Variants in SEZ6L observed in about 807,000 individuals in gnomAD.
SEZ6L encodes the protein seizure 6-like protein.
A neutral mutation model predicts 106.2 loss-of-function variants in SEZ6L; 37 were observed. The ratio of observed to expected loss-of-function variants is 0.35; its 90% CI spans 0.27 to 0.46. The LOEUF (loss-of-function observed/expected upper bound fraction) is 0.46. Among genes scored for constraint, SEZ6L ranks in the 20% least tolerant of loss-of-function variants. SEZ6L has a pLI of 1.00. For synonymous variants in SEZ6L, 541 were observed against 570.4 expected (o/e 0.95, Z 0.73); for missense variants, 1,172 against 1,332.8 (o/e 0.88, Z 1.88).
intron 1 of SEZ6L, among the ~76,000 whole-genome samples, chr22:26,189,969 C>A (rs2145652959): frequency 6.6e-6 from 1 of 152,078 alleles, no homozygotes; most frequent in Admixed American, 6.5e-5. Flanking sequence ...TGGTGGCGGG[C>A]ACCTGTGGTC....
intron 1 of SEZ6L, among the ~76,000 whole-genome samples, chr22:26,268,435 A>G (rs1314488542): frequency 1.3e-5 from 2 of 152,166 alleles, no homozygotes; most frequent in Non-Finnish European, 2.9e-5. Flanking sequence ...ACAACTGTTA[A>G]ATTAGCTTCC....
At chr22:26,370,317 G>A (rs886643533) in intron 13 of SEZ6L, among the ~76,000 whole-genome samples, 2 of 152,028 alleles carry the variant, frequency 1.3e-5, no homozygotes, top group Non-Finnish European at 2.9e-5. Flanking sequence ...CGTGGGAGGC[G>A]GAGCTTGCGG....
intron 9 of SEZ6L, among the ~76,000 whole-genome samples, chr22:26,336,471 T>C (rs1158937757): frequency 6.6e-6 from 1 of 152,176 alleles, no homozygotes; most frequent in African/African-American, 2.4e-5. Flanking sequence ...AAAAGGCATT[T>C]GTATGTTTGC....
intron 1 of SEZ6L, among the ~76,000 whole-genome samples, chr22:26,220,283 A>G (rs2078426456): frequency 6.6e-6 from 1 of 152,242 alleles, no homozygotes; most frequent in Admixed American, 6.5e-5. Context: ...CTGGAGCTAC[A>G]TCAATGAACA....
chr22:26,340,704 T>C (rs759203368), intron 10 of SEZ6L, 72 bp downstream of exon 10: 27 of 1,312,324 alleles, frequency 2.1e-5, no homozygotes, highest in Non-Finnish European at 2.8e-5. Flanking sequence ...TCCTCTAGGT[T>C]ATTTGGCAGT....
chr22:26,197,388 T>C (rs1049378405), intron 1 of SEZ6L, among the ~76,000 whole-genome samples: 18 of 152,162 alleles, frequency 1.2e-4, no homozygotes, highest in Admixed American at 4.6e-4. Context: ...ATAACTAAAA[T>C]GGCCAAGTGG....
chr22:26,217,245 A>C (rs2078325569), intron 1 of SEZ6L, among the ~76,000 whole-genome samples: 1 of 152,154 alleles, frequency 6.6e-6, no homozygotes, highest in Admixed American at 6.5e-5. Context: ...GACATTTCCA[A>C]ACCCAACACT....
intron 1 of SEZ6L, among the ~76,000 whole-genome samples, chr22:26,226,827 GC>G (rs1176745930): frequency 6.6e-6 from 1 of 152,186 alleles, no homozygotes; most frequent in East Asian, 1.9e-4. Flanking sequence ...CAACTTGGAT[GC>G]CCTTTTTCCT....
intron 9 of SEZ6L, among the ~76,000 whole-genome samples, chr22:26,317,651 C>A (rs1302274652): frequency 6.6e-6 from 1 of 152,116 alleles, no homozygotes; most frequent in Non-Finnish European, 1.5e-5. Context: ...AGCAGCCGAT[C>A]CGGGAACCTC....
intron 12 of SEZ6L, among the ~76,000 whole-genome samples, chr22:26,364,227 T>A (rs1032607236): frequency 6.6e-6 from 1 of 152,108 alleles, no homozygotes; most frequent in Non-Finnish European, 1.5e-5. Context: ...TGTGAAGCAA[T>A]TTGCTGGCTG....
intron 10 of SEZ6L, 67 bp downstream of exon 10, chr22:26,340,699 T>C: frequency 7.3e-7 from 1 of 1,376,844 alleles, no homozygotes; most frequent in Non-Finnish European, 9.9e-7. Context: ...TGGTTTCCTC[T>C]AGGTTATTTG....
chr22:26,241,266 T>C (rs1411941920), intron 1 of SEZ6L: 1 of 152,124 alleles, frequency 6.6e-6, no homozygotes, highest in Non-Finnish European at 1.5e-5. Flanking sequence ...CCCCTTATAG[T>C]GAAGATCAGA....
intron 9 of SEZ6L, among the ~76,000 whole-genome samples, chr22:26,327,423 G>T (rs1307960551): frequency 1.4e-5 from 1 of 69,904 alleles, no homozygotes; most frequent in Non-Finnish European, 2.9e-5. Context: ...ACACACACAC[G>T]CACAAACCAC....
intron 13 of SEZ6L, among the ~76,000 whole-genome samples, chr22:26,366,973 T>G (rs1454723364): frequency 6.6e-6 from 1 of 152,110 alleles, no homozygotes; most frequent in Non-Finnish European, 1.5e-5. Context: ...ACTCCAAGTC[T>G]TCAACATCCT....
At chr22:26,178,892 A>T in intron 1 of SEZ6L, among the ~76,000 whole-genome samples, 1 of 152,182 alleles carries the variant, frequency 6.6e-6, no homozygotes, top group African/African-American at 2.4e-5. Flanking sequence ...CAGGTCAGCG[A>T]TGGCTTCCAA....
intron 12 of SEZ6L, among the ~76,000 whole-genome samples, chr22:26,359,289 T>C (rs1382934088): frequency 1.3e-5 from 2 of 152,180 alleles, no homozygotes; most frequent in Non-Finnish European, 2.9e-5. Context: ...AATCCTCAGC[T>C]CAAATTGCAG....
At chr22:26,275,869 A>T (rs978527853) in intron 1 of SEZ6L, among the ~76,000 whole-genome samples, 1 of 152,142 alleles carries the variant, frequency 6.6e-6, no homozygotes, top group Non-Finnish European at 1.5e-5. Flanking sequence ...GCTGGAGCAG[A>T]TCCCCTGCTG....
chr22:26,338,593 T>G (rs907460617), intron 9 of SEZ6L, among the ~76,000 whole-genome samples: 3 of 151,872 alleles, frequency 2.0e-5, no homozygotes, highest in Non-Finnish European at 4.4e-5. Flanking sequence ...AGGGTCTCGC[T>G]TCTTTGCCCA....
intron 1 of SEZ6L, among the ~76,000 whole-genome samples, chr22:26,269,375 A>T (rs970913161): frequency 1.3e-5 from 2 of 152,162 alleles, no homozygotes; most frequent in Admixed American, 1.3e-4. Flanking sequence ...AACTAGCAGT[A>T]CCCACTGCTC....
Sources: allele counts gnomAD v4.1 joint callset (sites outside exome capture counted in the v4.1 genomes callset), GRCh38; gene constraint gnomAD v4.1.1; transcripts MANE v1.5; gene names NCBI Gene and HGNC (gene_info 2026-07-23, HGNC 2026-07-21).